FCGRT: variants seen among roughly 807,000 people sequenced by gnomAD.
FCGRT encodes Fc gamma receptor and transporter, also known as IgG receptor FcRn large subunit p51.
A neutral mutation model predicts 35.7 loss-of-function variants in FCGRT; 13 were observed. The observed-to-expected ratio is 0.36, with a 90% CI of 0.24 to 0.58. The LOEUF (loss-of-function observed/expected upper bound fraction) is 0.58, where lower values mean the gene tolerates loss of function less well. Among genes scored for constraint, FCGRT ranks in the 20% least tolerant of loss-of-function variants. The pLI is 0.77. For missense variants in FCGRT, 455 were observed against 474.9 expected, an observed-to-expected ratio of 0.96 and a Z score of 0.39; for synonymous variants, 233 against 216.5, an observed-to-expected ratio of 1.08 and a Z score of -0.67.
In FCGRT at chr19:49,525,265, TGCTGTA is replaced by T; in HGVS notation, c.872-187_872-182del. On this transcript the variant is annotated intron_variant, in intron 5 of 6. Coordinates refer to ENST00000221466, the MANE Select transcript of FCGRT (RefSeq NM_001136019.3). ...TTGCCGGTGTGACCGCGGCCGCTCG[TGCTGTA>T]GCTGGTTCTTACGTCCAACCTGGGG... The T allele has an allele frequency of 1.2e-5, 7 of 604,844 alleles. No individual in the cohort carries two copies. In the East Asian group the frequency reaches 2.1e-4, roughly 18 times the overall value. 37.5% of individuals were successfully genotyped at this position (604,844 alleles called of 1,614,324 possible).
intron 5 of FCGRT, 198 bp from the exon 6 acceptor site, chr19:49,525,259 C>T (rs561107244): frequency 2.1e-5 from 12 of 584,524 alleles, no homozygotes; most frequent in South Asian, 1.1e-4. Context: ...TGACCGCGGC[C>T]GCTCGTGCTG....
chr19:49,512,917 TGAGGGAG>T (rs1244986896), intron 1 of FCGRT, among the ~76,000 whole-genome samples, 167 bp downstream of exon 1: 2 of 26,522 alleles, frequency 7.5e-5, no homozygotes, highest in Non-Finnish European at 1.5e-4. Flanking sequence ...ACGCTGGGTC[TGAGGGAG>T]GAGGGAGGAG....
chr19:49,519,541 C>G (rs1197442557), intron 4 of FCGRT, among the ~76,000 whole-genome samples: 3 of 152,054 alleles, frequency 2.0e-5, no homozygotes, highest in Non-Finnish European at 4.4e-5. Context: ...TGAGTTTCTC[C>G]TAGACTGGAT....
At chr19:49,519,756 G>A (rs1351881257) in intron 4 of FCGRT, among the ~76,000 whole-genome samples, 1 of 150,684 alleles carries the variant, frequency 6.6e-6, no homozygotes, top group Non-Finnish European at 1.5e-5. Flanking sequence ...GGATTCGGGT[G>A]TTGTTATGAA....
chr19:49,522,871 G>A (rs909805713), intron 4 of FCGRT, among the ~76,000 whole-genome samples: 3 of 141,882 alleles, frequency 2.1e-5, no homozygotes, highest in Admixed American at 7.5e-5. Context: ...TCCGCCTCCC[G>A]GGTTCACGCC....
At chr19:49,513,735 T>TGGGGGGGGGGG in intron 2 of FCGRT, 147 bp from the exon 3 acceptor site, 2 of 497,276 alleles carry the variant, frequency 4.0e-6, no homozygotes, top group Non-Finnish European at 3.4e-6. Flanking sequence ...TCTGGGTCTC[T>TGGGGGGGGGGG]GTCCCCCCCC....
chr19:49,517,891 C>T (rs1189656814), intron 4 of FCGRT, among the ~76,000 whole-genome samples: 1 of 152,126 alleles, frequency 6.6e-6, no homozygotes, highest in East Asian at 1.9e-4. Flanking sequence ...TGAGGTTTCA[C>T]CATATTGGCC....
chr19:49,513,714 G>GGCTCTCTCTC, intron 2 of FCGRT, 168 bp from the exon 3 acceptor site: 3 of 531,928 alleles, frequency 5.6e-6, no homozygotes, highest in Admixed American at 3.1e-5. Flanking sequence ...TGGGTCTCTT[G>GGCTCTCTCTC]TCTCTCTCTC....
chr19:49,524,257 T>C (rs898088952), intron 4 of FCGRT, among the ~76,000 whole-genome samples: 3 of 152,128 alleles, frequency 2.0e-5, no homozygotes, highest in Non-Finnish European at 1.5e-5. Context: ...TCCACCCACT[T>C]TGGCCTCCCA....
chr19:49,520,186 G>A (rs1249761880), intron 4 of FCGRT, among the ~76,000 whole-genome samples: 1 of 114,970 alleles, frequency 8.7e-6, no homozygotes. Context: ...CTGGAGTGCA[G>A]TAGCACGATC....
intron 4 of FCGRT, 30 bp from the exon 5 acceptor site, chr19:49,524,477 A>T: frequency 6.3e-7 from 1 of 1,596,422 alleles, no homozygotes. Context: ...TGGGCTCGCG[A>T]CTTAGGCCTG....
At chr19:49,521,761 C>G (rs1052912776) in intron 4 of FCGRT, 2 of 151,614 alleles carry the variant, frequency 1.3e-5, no homozygotes, top group African/African-American at 4.9e-5. Context: ...CCTCAACCTC[C>G]CAAGCTCAAG....
intron 4 of FCGRT, chr19:49,516,169 T>C: frequency 2.2e-6 from 1 of 454,746 alleles, no homozygotes; most frequent in South Asian, 1.6e-5. Context: ...TCATTCCAAG[T>C]GCCACAAAGG....
intron 4 of FCGRT, among the ~76,000 whole-genome samples, chr19:49,517,416 G>T (rs1040217427): frequency 4.0e-5 from 6 of 151,754 alleles, no homozygotes; most frequent in Non-Finnish European, 8.8e-5. Context: ...ACTTGATCCC[G>T]GGAAGCAGAG....
intron 4 of FCGRT, among the ~76,000 whole-genome samples, chr19:49,522,152 A>G (rs2122690578): frequency 6.8e-6 from 1 of 147,630 alleles, no homozygotes; most frequent in Admixed American, 6.8e-5. Context: ...TGTGATCATA[A>G]CTCACTCCAG....
chr19:49,514,496 A>C lies in FCGRT; in HGVS notation c.601+10A>C, dbSNP rs1013460398. ...AACCTGGAGTGGAAGGGTGAGCCGGATCTGCAGCCGCAGGCTGTTCTGTCC... is the reference window on the plus strand; with the variant it reads ...AACCTGGAGTGGAAGGGTGAGCCGGCTCTGCAGCCGCAGGCTGTTCTGTCC... On this transcript the variant is annotated intron_variant, in intron 4 of 6. Transcript: ENST00000221466. 3 of 1,535,474 alleles carry C rather than the reference A, an allele frequency of 2.0e-6. No individual in the cohort carries two copies. The highest frequency in any genetic ancestry group is 2.6e-6 in the Non-Finnish European group (3 of 1,139,116).
Position 49,513,944 on chromosome 19 carries a change from G to T in FCGRT, c.136G>T (p.Ala46Ser). 1 of 1,613,932 alleles carries T rather than the reference G, an allele frequency of 6.2e-7. No individual in the cohort carries two copies. Among genetic ancestry groups the T allele is most frequent in the Non-Finnish European group, 8.5e-7 (1 of 1,179,932 alleles). The change falls in exon 3 of 7, where the codon GCC becomes TCC. Residue 46 changes from alanine to serine, a missense_variant. Ala to Ser is a moderately conservative substitution (Grantham distance 99). Coordinates refer to ENST00000221466, the MANE Select transcript of FCGRT (RefSeq NM_001136019.3). ...AVSSPAPGTP[A>S]FWVSGWLGPQ... ...GTCCTCGCCTGCCCCGGGGACTCCT[G>T]CCTTCTGGGTGTCCGGCTGGCTGGG...
At chr19:49,517,010 T>A (rs1318723087) in intron 4 of FCGRT, among the ~76,000 whole-genome samples, 1 of 151,648 alleles carries the variant, frequency 6.6e-6, no homozygotes, top group East Asian at 2.0e-4. Flanking sequence ...GGCAACATAG[T>A]AAGACCGCAT....
intron 4 of FCGRT, chr19:49,520,680 A>G (rs562871799): frequency 7.9e-5 from 12 of 152,366 alleles, no homozygotes; most frequent in Admixed American, 1.3e-4. Flanking sequence ...ACCAAAGGCC[A>G]GACAGATTTT....
Sources: allele counts gnomAD v4.1 joint callset (sites outside exome capture counted in the v4.1 genomes callset), GRCh38; gene constraint gnomAD v4.1.1; transcripts MANE v1.5; gene names NCBI Gene and HGNC (gene_info 2026-07-23, HGNC 2026-07-21).